Variants in TMEM266 observed in about 807,000 individuals in gnomAD.
The protein encoded by TMEM266 is Hv1 related protein 1.
In TMEM266, 33 loss-of-function variants were observed where a neutral mutation model predicts 50.5. That is an observed-to-expected ratio of 0.65 (90% CI 0.50 to 0.87). TMEM266 has a LOEUF of 0.87. TMEM266 is among the 40% of genes least tolerant of loss of function. The pLI, the probability that TMEM266 is intolerant of heterozygous loss-of-function variation, is 0.00. For synonymous variants in TMEM266, 310 were observed against 292.3 expected, an observed-to-expected ratio of 1.06 and a Z score of -0.62; for missense variants, 655 against 695.1, an observed-to-expected ratio of 0.94 and a Z score of 0.65.
At chr15:76,122,298 T>C (rs2037358538) in intron 1 of TMEM266, among the ~76,000 whole-genome samples, 1 of 152,368 alleles carries the variant, frequency 6.6e-6, no homozygotes, top group Admixed American at 6.5e-5. Context: ...GTGGATTTGC[T>C]TGGTCAACCA....
intron 9 of TMEM266, among the ~76,000 whole-genome samples, chr15:76,193,989 G>A (rs1394108643): frequency 6.6e-6 from 1 of 152,152 alleles, no homozygotes; most frequent in African/African-American, 2.4e-5. Flanking sequence ...GGCGCTGCAA[G>A]CCCAGGGCAG....
chr15:76,077,481 T>G (rs2036623008), intron 1 of TMEM266, among the ~76,000 whole-genome samples: 1 of 152,096 alleles, frequency 6.6e-6, no homozygotes, highest in African/African-American at 2.4e-5. Flanking sequence ...CACAAATACC[T>G]GGAATCTGTG....
chr15:76,166,164 T>C (rs1322936499), intron 5 of TMEM266, among the ~76,000 whole-genome samples: 1 of 151,668 alleles, frequency 6.6e-6, no homozygotes, highest in Non-Finnish European at 1.5e-5. Flanking sequence ...GGCAGGGCAG[T>C]GAGGTTCTGT....
chr15:76,107,379 C>T (rs1487503549), intron 1 of TMEM266, among the ~76,000 whole-genome samples: 1 of 152,200 alleles, frequency 6.6e-6, no homozygotes, highest in South Asian at 2.1e-4. Context: ...GTCGCTCACA[C>T]AGGGCACATG....
intron 9 of TMEM266, 146 bp downstream of exon 9, chr15:76,192,303 C>G: frequency 1.3e-6 from 1 of 752,910 alleles, no homozygotes; most frequent in Admixed American, 4.0e-5. Flanking sequence ...GGGACACGCT[C>G]AGATCAGTAG....
chr15:76,137,690 C>T lies in TMEM266; in HGVS notation c.39-17C>T. 6.2e-7 allele frequency: 1 copy of T among 1,612,662 alleles called. No individual in the cohort carries two copies. The highest frequency in any genetic ancestry group is 8.5e-7 in the Non-Finnish European group (1 of 1,178,966). On this transcript the variant is annotated splice_polypyrimidine_tract_variant and intron_variant, in intron 2 of 10. Coordinates refer to ENST00000388942, the MANE Select transcript of TMEM266 (RefSeq NM_152335.3). ...TTGAAGATAACTCTTTCCCATTGTT[C>T]CTCCTCTCCAACCCAGGCCTGCCAT...
chr15:76,174,275 G>A (rs2038236040), intron 7 of TMEM266, among the ~76,000 whole-genome samples: 1 of 152,290 alleles, frequency 6.6e-6, no homozygotes, highest in South Asian at 2.1e-4. Context: ...ATTCAGCCAG[G>A]CATGGTAGCT....
chr15:76,152,288 C>T (rs1180341499), intron 3 of TMEM266, among the ~76,000 whole-genome samples: 1 of 152,196 alleles, frequency 6.6e-6, no homozygotes, highest in Non-Finnish European at 1.5e-5. Context: ...GAACTCACTC[C>T]CAGACTGGCA....
chr15:76,076,470 G>A (rs918891986), intron 1 of TMEM266, among the ~76,000 whole-genome samples: 2 of 151,906 alleles, frequency 1.3e-5, no homozygotes, highest in African/African-American at 2.4e-5. Context: ...ATATTCACAC[G>A]GTCCCTTTAC....
chr15:76,151,021 A>T (rs1055836840), intron 3 of TMEM266, among the ~76,000 whole-genome samples: 1 of 152,102 alleles, frequency 6.6e-6, no homozygotes, highest in Non-Finnish European at 1.5e-5. Flanking sequence ...CTGCCAGGAC[A>T]TGCCATCTGC....
At chr15:76,167,234 G>GC (rs1425680736) in intron 5 of TMEM266, among the ~76,000 whole-genome samples, 2 of 152,138 alleles carry the variant, frequency 1.3e-5, no homozygotes, top group Non-Finnish European at 2.9e-5. Context: ...ACTTTGGGAG[G>GC]CCGAGGCTGG....
chr15:76,179,217 G>A (rs1377032454), intron 8 of TMEM266, among the ~76,000 whole-genome samples: 2 of 152,208 alleles, frequency 1.3e-5, no homozygotes, highest in African/African-American at 4.8e-5. Flanking sequence ...GTGGCTTTGG[G>A]CATTAATGGG....
At position 76,116,896 on chromosome 15, in the gene TMEM266, C is replaced by CT. The variant is rs143849730; in HGVS notation, c.-96-17252dup. On this transcript the variant is annotated intron_variant, in intron 1 of 10. Coordinates refer to ENST00000388942, the MANE Select transcript of TMEM266 (RefSeq NM_152335.3). ...ATTTACAAACAGTAAAGCATATCTT[C>CT]TTTTTTTTTTTTTTTTTTTTGAGAC... Among the ~76,000 whole-genome samples, 593 of 131,670 alleles carry CT rather than the reference C, an allele frequency of 4.5e-3. 5 individuals are homozygous for CT. Among genetic ancestry groups the CT allele is most frequent in the Non-Finnish European group, 6.2e-3 (373 of 60,532 alleles). 86.4% of individuals were successfully genotyped at this position (131,670 alleles called of 152,430 possible). A position where few individuals can be genotyped will look rare whatever the true frequency, so the allele number is the denominator to read the frequency against.
intron 8 of TMEM266, among the ~76,000 whole-genome samples, chr15:76,183,981 T>C (rs1238862795): frequency 1.3e-5 from 2 of 152,200 alleles, no homozygotes; most frequent in African/African-American, 2.4e-5. Context: ...CTGGACCCCA[T>C]TGTCCCCTGG....
At chr15:76,130,978 T>C (rs1156928706) in intron 1 of TMEM266, among the ~76,000 whole-genome samples, 1 of 152,234 alleles carries the variant, frequency 6.6e-6, no homozygotes, top group Non-Finnish European at 1.5e-5. Flanking sequence ...GTTTGGAGTT[T>C]TGTATTTTTT....
rs1487103779 is a variant in TMEM266 at position 76,204,712 on chromosome 15, CT to C, written c.*398del. 1.2e-5 allele frequency: 2 copies of C among 162,006 alleles called. No homozygotes were observed. The highest frequency in any genetic ancestry group is 2.7e-5 in the Non-Finnish European group (2 of 74,350). The allele number at this position is 162,006 out of a possible 1,614,324, so 10.0% of individuals were successfully genotyped here. On this transcript the variant is annotated 3_prime_UTR_variant, in exon 11 of 11. Coordinates refer to ENST00000388942, the MANE Select transcript of TMEM266 (RefSeq NM_152335.3). The stretch of plus-strand genomic sequence containing the variant: ...GAGCAGGGGCTGTCCAGCCCCACCC[CT>C]AAGCCGTCTTTCCCAGGAATCCTGG...
At chr15:76,063,182 G>A (rs1277042416) in intron 1 of TMEM266, among the ~76,000 whole-genome samples, 4 of 152,058 alleles carry the variant, frequency 2.6e-5, no homozygotes, top group South Asian at 2.1e-4. Context: ...TATGGCTGTC[G>A]TGTGCTGTGT....
chr15:76,196,074 C>G (rs1168566936), intron 9 of TMEM266, among the ~76,000 whole-genome samples: 1 of 152,214 alleles, frequency 6.6e-6, no homozygotes, highest in Non-Finnish European at 1.5e-5. Context: ...CTATGTGTCA[C>G]CAGCAGGATG....
At position 76,116,901 on chromosome 15, in the gene TMEM266, T is replaced by A. The variant is rs1372943921; in HGVS notation, c.-96-17267T>A. 2.9e-3 allele frequency among the ~76,000 whole-genome samples: 430 copies of A among 149,690 alleles called. 9 individuals carry two copies. The highest frequency in any genetic ancestry group is 9.6e-3 in the African/African-American group (390 of 40,744). On this transcript the variant is annotated intron_variant, in intron 1 of 10. Coordinates refer to ENST00000388942, the MANE Select transcript of TMEM266 (RefSeq NM_152335.3). ...CAAACAGTAAAGCATATCTTCTTTT[T>A]TTTTTTTTTTTTTTTGAGACGGAGT...
Sources: allele counts gnomAD v4.1 joint callset (sites outside exome capture counted in the v4.1 genomes callset), GRCh38; gene constraint gnomAD v4.1.1; transcripts MANE v1.5; gene names NCBI Gene and HGNC (gene_info 2026-07-23, HGNC 2026-07-21).